The following CRPPA variants were observed in gnomAD, a reference collection of about 807,000 sequenced individuals.
The protein encoded by CRPPA is D-ribitol-5-phosphate cytidylyltransferase.
In CRPPA, 43 loss-of-function variants were observed where a neutral mutation model predicts 52.0. That is an observed-to-expected ratio of 0.83 (90% confidence interval 0.65 to 1.07). The LOEUF (loss-of-function observed/expected upper bound fraction) is 1.07. Ranked by LOEUF, CRPPA falls within the 50% of genes least tolerant of loss-of-function variation. The probability of loss-of-function intolerance (pLI) is 0.00; values close to 1 mark genes in which losing one functional copy is unlikely to be tolerated. For missense variants in CRPPA, 629 were observed against 551.7 expected (o/e 1.14, Z -1.40); for synonymous variants, 250 against 203.5 (o/e 1.23, Z -1.94).
At chr7:16,308,394 C>T (rs1554320019) in intron 4 of CRPPA, 129 bp downstream of exon 4, 1 of 621,890 alleles carries the variant, frequency 1.6e-6, no homozygotes, top group African/African-American at 1.8e-5. Flanking sequence ...GGATACTACA[C>T]ATTGATGGTT....
chr7:16,129,887 T>C (rs768276323), intron 9 of CRPPA, among the ~76,000 whole-genome samples: 3 of 152,204 alleles, frequency 2.0e-5, no homozygotes, highest in Admixed American at 6.5e-5. Flanking sequence ...GACATTTCTA[T>C]TTATGGGTTC....
At chr7:16,254,958 A>G (rs1253796170) in intron 8 of CRPPA, among the ~76,000 whole-genome samples, 1 of 152,168 alleles carries the variant, frequency 6.6e-6, no homozygotes, top group Non-Finnish European at 1.5e-5. Flanking sequence ...AGGCAAGAGA[A>G]AGAAATAAAG....
intron 8 of CRPPA, chr7:16,236,007 C>A (rs118012365): frequency 6.6e-6 from 1 of 151,926 alleles, no homozygotes; most frequent in South Asian, 2.1e-4. Context: ...CTAACATTAA[C>A]CTAATTATAC....
chr7:16,262,970 G>A (rs1169046168), intron 6 of CRPPA, among the ~76,000 whole-genome samples: 1 of 152,138 alleles, frequency 6.6e-6, no homozygotes, highest in Non-Finnish European at 1.5e-5. Flanking sequence ...AATGGAGAAG[G>A]AAGATTTTAT....
intron 8 of CRPPA, chr7:16,237,321 G>C (rs142348903): frequency 6.6e-6 from 1 of 152,126 alleles, no homozygotes; most frequent in East Asian, 1.9e-4. Context: ...CTGGAAGTTG[G>C]AAGTACAAGA....
At position 16,401,400 on chromosome 7, in the gene CRPPA, C is replaced by T. The variant is rs115458463; in HGVS notation, c.534+4661G>A. ...GTCAGAGGAAAAATTAGCCAGACTG[C>T]TATGATTTATAACATAAATTAGGGG... On this transcript the variant is annotated intron_variant, in intron 2 of 9. Coordinates refer to ENST00000407010, the MANE Select transcript of CRPPA (RefSeq NM_001101426.4). Among the ~76,000 whole-genome samples, 219 of 152,232 alleles carry T rather than the reference C, an allele frequency of 1.4e-3. 2 individuals are homozygous for T. Among genetic ancestry groups the T allele is most frequent in the African/African-American group, 5.2e-3 (214 of 41,552 alleles).
At chr7:16,284,054 T>C (rs945218838) in intron 5 of CRPPA, among the ~76,000 whole-genome samples, 1 of 152,108 alleles carries the variant, frequency 6.6e-6, no homozygotes, top group Non-Finnish European at 1.5e-5. Context: ...ACGATTTCTA[T>C]GCAGAGTCAA....
At chr7:16,144,774 A>AGCTGCACTCTCTCAGCGGCT (rs1336685601) in intron 9 of CRPPA, among the ~76,000 whole-genome samples, 1 of 152,168 alleles carries the variant, frequency 6.6e-6, no homozygotes, top group East Asian at 1.9e-4. Flanking sequence ...CATTCTCAGC[A>AGCTGCACTCTCTCAGCGGCT]GCTGCACTCT....
intron 9 of CRPPA, among the ~76,000 whole-genome samples, chr7:16,214,679 A>C (rs796844917): frequency 6.6e-6 from 1 of 152,034 alleles, no homozygotes; most frequent in African/African-American, 2.4e-5. Context: ...TAATTTTTTA[A>C]CTTTTTTGTA....
intron 2 of CRPPA, among the ~76,000 whole-genome samples, chr7:16,389,928 A>AAAAAT: frequency 3.4e-5 from 1 of 29,756 alleles, no homozygotes; most frequent in African/African-American, 1.7e-4. Flanking sequence ...AAAAAAAAAA[A>AAAAAT]ATATATATAT....
chr7:16,372,585 C>T (rs1285274904), intron 3 of CRPPA, among the ~76,000 whole-genome samples: 8 of 152,016 alleles, frequency 5.3e-5, no homozygotes, highest in South Asian at 2.1e-4. Flanking sequence ...ATATCACAAT[C>T]GAACCTCCTC....
At chr7:16,372,954 A>G (rs1786785444) in intron 3 of CRPPA, among the ~76,000 whole-genome samples, 2 of 152,350 alleles carry the variant, frequency 1.3e-5, no homozygotes, top group South Asian at 4.1e-4. Flanking sequence ...TAAGATTATC[A>G]GGTAAGACTT....
At chr7:16,212,114 T>C (rs1426469725) in intron 9 of CRPPA, among the ~76,000 whole-genome samples, 1 of 152,136 alleles carries the variant, frequency 6.6e-6, no homozygotes, top group Non-Finnish European at 1.5e-5. Flanking sequence ...TTTGTATGTC[T>C]CCTAGATCTG....
At chr7:16,411,646 T>C (rs1014143797) in intron 1 of CRPPA, among the ~76,000 whole-genome samples, 1 of 151,832 alleles carries the variant, frequency 6.6e-6, no homozygotes, top group Non-Finnish European at 1.5e-5. Context: ...TGTCAGTAAG[T>C]ATCTGTTAAA....
chr7:16,319,677 C>T (rs1000382707), intron 3 of CRPPA, among the ~76,000 whole-genome samples: 2 of 152,150 alleles, frequency 1.3e-5, no homozygotes, highest in African/African-American at 4.8e-5. Flanking sequence ...ACGAAGATAG[C>T]AGCTGGCTGA....
chr7:16,393,557 C>T (rs1787494958), intron 2 of CRPPA, among the ~76,000 whole-genome samples: 1 of 152,072 alleles, frequency 6.6e-6, no homozygotes, highest in African/African-American at 2.4e-5. Flanking sequence ...GTGAAATCAA[C>T]CCCTACTCAA....
intron 1 of CRPPA, among the ~76,000 whole-genome samples, chr7:16,414,719 A>G (rs1053405318): frequency 6.6e-6 from 1 of 152,250 alleles, no homozygotes; most frequent in African/African-American, 2.4e-5. Flanking sequence ...CCTTTAGTTT[A>G]TAACCTGGGG....
At chr7:16,187,563 CAACT>C (rs972636450) in intron 9 of CRPPA, among the ~76,000 whole-genome samples, 15 of 152,166 alleles carry the variant, frequency 9.9e-5, no homozygotes, top group Non-Finnish European at 2.9e-5. Context: ...AGATCCAAGG[CAACT>C]CAAGAGTTTC....
At chr7:16,205,673 G>A (rs1220401557) in intron 9 of CRPPA, among the ~76,000 whole-genome samples, 1 of 151,976 alleles carries the variant, frequency 6.6e-6, no homozygotes, top group Non-Finnish European at 1.5e-5. Flanking sequence ...GCTAGAACTG[G>A]GAAGTGAGTA....
Sources: allele counts gnomAD v4.1 joint callset (sites outside exome capture counted in the v4.1 genomes callset), GRCh38; gene constraint gnomAD v4.1.1; transcripts MANE v1.5; gene names NCBI Gene and HGNC (gene_info 2026-07-23, HGNC 2026-07-21).